SYTL3: variants seen among roughly 807,000 people sequenced by gnomAD.
The protein encoded by SYTL3 is synaptotagmin-like protein 3.
SYTL3 carries 88 observed loss-of-function variants against 82.1 expected under a neutral mutation model. The ratio of observed to expected loss-of-function variants is 1.07; its 90% CI spans 0.90 to 1.28. The LOEUF (loss-of-function observed/expected upper bound fraction) is 1.28, where lower values mean the gene tolerates loss of function less well. Ranked by LOEUF, SYTL3 falls within the 50% of genes most tolerant of loss-of-function variation. The pLI, the probability that SYTL3 is intolerant of heterozygous loss-of-function variation, is 0.00. For missense variants in SYTL3, 831 were observed against 757.6 expected, an observed-to-expected ratio of 1.10 and a Z score of -1.14; for synonymous variants, 311 against 289.4, an observed-to-expected ratio of 1.07 and a Z score of -0.76.
chr6:158,764,430 A>C, intron 17 of SYTL3, 65 bp from the exon 18 acceptor site: 1 of 1,225,774 alleles, frequency 8.2e-7, no homozygotes, highest in Non-Finnish European at 1.2e-6. Flanking sequence ...TCATTTTTAA[A>C]GGGATGAGAG....
Position 158,661,389 on chromosome 6 carries a change from A to G in SYTL3, c.-520+4A>G, listed in dbSNP as rs1211357212. On this transcript the variant is annotated splice_donor_region_variant and intron_variant, in intron 3 of 17. Transcript: ENST00000611299. ...AGTCAGGTACCAGCCCAGCCAGGTA[A>G]GAACCTAAAGTCCTTGTTGCTTTGT... is the stretch of plus-strand genomic sequence containing the variant. 1 of 152,240 alleles carries G rather than the reference A, an allele frequency of 6.6e-6. No homozygotes were observed. Among genetic ancestry groups the G allele is most frequent in the Non-Finnish European group, 1.5e-5 (1 of 68,050 alleles). 9.4% of individuals were successfully genotyped at this position (152,240 alleles called of 1,614,324 possible).
At chr6:158,731,010 C>T (rs769071712) in intron 11 of SYTL3, among the ~76,000 whole-genome samples, 9 of 152,152 alleles carry the variant, frequency 5.9e-5, no homozygotes, top group Non-Finnish European at 5.9e-5. Context: ...TCGGGCCGGG[C>T]GTGGTGGCTC....
intron 8 of SYTL3, among the ~76,000 whole-genome samples, chr6:158,709,886 T>A (rs868165890): frequency 6.6e-6 from 1 of 151,920 alleles, no homozygotes. Flanking sequence ...AATAAAAAAA[T>A]TAGCTGGATG....
At chr6:158,729,617 A>T (rs1583402268) in intron 11 of SYTL3, among the ~76,000 whole-genome samples, 1 of 122,238 alleles carries the variant, frequency 8.2e-6, no homozygotes, top group African/African-American at 3.3e-5. Flanking sequence ...CGTAGGCTGG[A>T]GTTTAGTGGT....
At chr6:158,723,590 G>T (rs953733560) in intron 10 of SYTL3, among the ~76,000 whole-genome samples, 2 of 152,004 alleles carry the variant, frequency 1.3e-5, no homozygotes, top group Non-Finnish European at 2.9e-5. Context: ...TATAGTTCGC[G>T]GCATTGAAAA....
chr6:158,755,786 G>C (rs566121322), intron 13 of SYTL3, among the ~76,000 whole-genome samples: 1 of 152,184 alleles, frequency 6.6e-6, no homozygotes, highest in Non-Finnish European at 1.5e-5. Flanking sequence ...GCCGTGTCAC[G>C]AGGAGTCACC....
Position 158,706,317 on chromosome 6 carries a change from G to A in SYTL3, c.395-913G>A, listed in dbSNP as rs139689834. On this transcript the variant is annotated intron_variant, in intron 6 of 17. Coordinates refer to ENST00000611299, the MANE Select transcript of SYTL3 (RefSeq NM_001242394.2). ...CTTCCTTTGAGGCTTGGGGCTTGGT[G>A]TTGAGAGCTTAACATCACATGCTAT... is the stretch of plus-strand genomic sequence containing the variant. Among the ~76,000 whole-genome samples the A allele has an allele frequency of 5.3e-5, 8 of 152,320 alleles. No individual in the cohort carries two copies. In the East Asian group the frequency reaches 1.5e-3, roughly 29 times the overall value.
intron 6 of SYTL3, among the ~76,000 whole-genome samples, chr6:158,686,259 A>G (rs2128412970): frequency 6.6e-6 from 1 of 152,328 alleles, no homozygotes; most frequent in African/African-American, 2.4e-5. Flanking sequence ...AGTAAGGACA[A>G]ACAAACCAGG....
intron 15 of SYTL3, among the ~76,000 whole-genome samples, chr6:158,761,264 G>A (rs1789884124): frequency 6.6e-6 from 1 of 151,986 alleles, no homozygotes; most frequent in Non-Finnish European, 1.5e-5. Context: ...TGGAGGAGGA[G>A]GAGGGCGGGG....
intron 10 of SYTL3, 66 bp from the exon 11 acceptor site, chr6:158,725,437 C>G (rs1228975961): frequency 6.4e-7 from 1 of 1,570,776 alleles, no homozygotes; most frequent in Non-Finnish European, 8.7e-7. Context: ...GCTGAAGTCA[C>G]CACATTTGAA....
At chr6:158,685,533 T>C (rs1779204500) in intron 6 of SYTL3, among the ~76,000 whole-genome samples, 1 of 151,922 alleles carries the variant, frequency 6.6e-6, no homozygotes, top group East Asian at 1.9e-4. Context: ...TAAAATACTT[T>C]TTTGACCGGG....
chr6:158,734,655 C>A (rs373989702), intron 11 of SYTL3, among the ~76,000 whole-genome samples: 95 of 152,290 alleles, frequency 6.2e-4, no homozygotes, highest in African/African-American at 2.1e-3. Flanking sequence ...CCACTCCCCC[C>A]ACCTGCTCTA....
intron 10 of SYTL3, 100 bp from the exon 11 acceptor site, chr6:158,725,403 A>T: frequency 7.4e-7 from 1 of 1,350,190 alleles, no homozygotes; most frequent in Non-Finnish European, 1.0e-6. Flanking sequence ...TTTGCATGTT[A>T]GTAACATCAA....
intron 11 of SYTL3, among the ~76,000 whole-genome samples, chr6:158,735,217 C>T (rs1168263503): frequency 6.6e-6 from 1 of 152,046 alleles, no homozygotes; most frequent in Non-Finnish European, 1.5e-5. Flanking sequence ...TGCTTAGGGA[C>T]TTTTTGTTGG....
intron 5 of SYTL3, among the ~76,000 whole-genome samples, chr6:158,682,653 C>T (rs111668004): frequency 5.9e-5 from 9 of 152,318 alleles, no homozygotes; most frequent in African/African-American, 1.9e-4. Flanking sequence ...GCCACCACAC[C>T]TAGCCCATAT....
chr6:158,685,227 T>TC (rs1241661886), intron 6 of SYTL3, among the ~76,000 whole-genome samples: 2 of 151,582 alleles, frequency 1.3e-5, no homozygotes, highest in African/African-American at 4.9e-5. Flanking sequence ...TTTTTTTTTT[T>TC]TTTTTAGATG....
intron 6 of SYTL3, among the ~76,000 whole-genome samples, chr6:158,693,933 T>A (rs1780284387): frequency 6.7e-6 from 1 of 149,388 alleles, no homozygotes; most frequent in Non-Finnish European, 1.5e-5. Flanking sequence ...GTTCAAGTGA[T>A]CCACCTGCCT....
At chr6:158,659,353 C>G (rs969882462) in intron 2 of SYTL3, among the ~76,000 whole-genome samples, 3 of 152,054 alleles carry the variant, frequency 2.0e-5, no homozygotes, top group Non-Finnish European at 4.4e-5. Context: ...TCGTCTTAGT[C>G]TTTTCTTTTT....
At chr6:158,663,851 G>A (rs915056536) in intron 4 of SYTL3, among the ~76,000 whole-genome samples, 3 of 151,946 alleles carry the variant, frequency 2.0e-5, no homozygotes, top group Non-Finnish European at 2.9e-5. Context: ...TTCTTTGCTC[G>A]CTTTTGCTTC....
Sources: gnomAD v4.1 joint callset for allele counts (sites outside exome capture counted in the v4.1 genomes callset) on GRCh38, gnomAD v4.1.1 for gene constraint, MANE v1.5 for transcripts, NCBI Gene and HGNC (gene_info 2026-07-23, HGNC 2026-07-21) for gene names.